PDE1A: variants seen among roughly 807,000 people sequenced by gnomAD.
PDE1A encodes dual specificity calcium/calmodulin-dependent 3',5'-cyclic nucleotide phosphodiesterase 1A.
A neutral mutation model predicts 61.7 loss-of-function variants in PDE1A; 35 were observed. The ratio of observed to expected loss-of-function variants is 0.57; its 90% CI spans 0.43 to 0.75. The LOEUF is 0.75. Ranked by LOEUF, PDE1A falls within the 30% of genes least tolerant of loss-of-function variation. The probability of loss-of-function intolerance (pLI) is 0.00; values close to 1 mark genes in which losing one functional copy is unlikely to be tolerated. For missense variants in PDE1A, 597 were observed against 630.6 expected, an observed-to-expected ratio of 0.95 and a Z score of 0.57; for synonymous variants, 232 against 213.2, an observed-to-expected ratio of 1.09 and a Z score of -0.77.
the PDE1A span, among the ~76,000 whole-genome samples, chr2:182,592,367 G>T: frequency 1.6e-4 from 24 of 152,298 alleles, no homozygotes; most frequent in African/African-American, 5.8e-4. Context: ...TCAGTTCAAA[G>T]AATGAATTAT....
At chr2:182,691,060 C>T in the PDE1A span, among the ~76,000 whole-genome samples, 67,325 of 152,018 alleles carry the variant, frequency 0.44, 17,293 homozygotes, top group Non-Finnish European at 0.56. Flanking sequence ...ACATTCCATG[C>T]TCATGGGTAG....
chr2:182,382,739 T>C (rs1454357659), intron 1 of PDE1A, among the ~76,000 whole-genome samples: 1 of 152,180 alleles, frequency 6.6e-6, no homozygotes, highest in Non-Finnish European at 1.5e-5. Flanking sequence ...ATATTTTCTT[T>C]TGGAGCAAAA....
At chr2:182,549,831 A>C in the PDE1A span, among the ~76,000 whole-genome samples, 2 of 152,120 alleles carry the variant, frequency 1.3e-5, no homozygotes, top group Admixed American at 1.3e-4. Flanking sequence ...AGTTTTTACT[A>C]TCTGTATTGT....
At chr2:182,568,017 T>C in the PDE1A span, among the ~76,000 whole-genome samples, 8 of 152,048 alleles carry the variant, frequency 5.3e-5, no homozygotes, top group Non-Finnish European at 1.2e-4. Context: ...GGTCTTGAAC[T>C]CTTGACCTCT....
chr2:182,229,212 AT>A (rs1395354157), intron 6 of PDE1A, among the ~76,000 whole-genome samples: 1 of 151,740 alleles, frequency 6.6e-6, no homozygotes, highest in Non-Finnish European at 1.5e-5. Flanking sequence ...TCAAGCAGGA[AT>A]TTTTTTTTAA....
At chr2:182,156,960 T>C (rs1258169008) in intron 13 of PDE1A, among the ~76,000 whole-genome samples, 1 of 151,290 alleles carries the variant, frequency 6.6e-6, no homozygotes, top group African/African-American at 2.4e-5. Context: ...GTTATCATTT[T>C]TGTTTCGTTG....
intron 8 of PDE1A, among the ~76,000 whole-genome samples, chr2:182,205,612 T>C (rs189709631): frequency 4.8e-4 from 73 of 152,342 alleles, no homozygotes; most frequent in African/African-American, 1.7e-3. Context: ...TTTGAATTTA[T>C]GTAACACCCC....
chr2:182,634,548 T>C, the PDE1A span, among the ~76,000 whole-genome samples: 2 of 152,318 alleles, frequency 1.3e-5, no homozygotes, highest in South Asian at 2.1e-4. Context: ...ACCATCATTT[T>C]TGGAGCATGA....
Position 182,201,417 on chromosome 2 carries a change from GCA to G in PDE1A, c.1125+20_1125+21del, listed in dbSNP as rs778244225. 16 of 1,612,584 alleles carry G rather than the reference GCA, an allele frequency of 9.9e-6. No homozygotes were observed. In the African/African-American group the frequency reaches 1.3e-4, roughly 13 times the overall value. Reference sequence around the variant, plus strand: ...ACAGTCACTATTTCCAAAAACATTTGCACAGAGTGTGAAAGAGGCACCTGCAG... The same window carrying G: ...ACAGTCACTATTTCCAAAAACATTTGCAGAGTGTGAAAGAGGCACCTGCAG... On this transcript the variant is annotated intron_variant, in intron 10 of 13. Transcript: ENST00000351439.
the PDE1A span, among the ~76,000 whole-genome samples, chr2:182,560,592 C>T: frequency 6.6e-6 from 1 of 151,996 alleles, no homozygotes; most frequent in African/African-American, 2.4e-5. Context: ...AATGGGATGG[C>T]TGGGTCAAAT....
chr2:182,458,029 T>A (rs982549900), intron 2 of PDE1A, among the ~76,000 whole-genome samples: 8 of 152,026 alleles, frequency 5.3e-5, no homozygotes, highest in Non-Finnish European at 1.2e-4. Context: ...CTATAAAGCA[T>A]CAATATTAGC....
chr2:182,483,573 T>A (rs1687831029), intron 2 of PDE1A, among the ~76,000 whole-genome samples: 1 of 152,048 alleles, frequency 6.6e-6, no homozygotes, highest in African/African-American at 2.4e-5. Context: ...AATGGAGTTA[T>A]AATGGAAATT....
At chr2:182,386,960 G>A (rs1003505312) in intron 1 of PDE1A, among the ~76,000 whole-genome samples, 10 of 152,248 alleles carry the variant, frequency 6.6e-5, no homozygotes, top group Admixed American at 1.3e-4. Context: ...TGACGACGGC[G>A]GTTTTGTGAA....
chr2:182,325,827 G>A (rs11690853), intron 1 of PDE1A, among the ~76,000 whole-genome samples: 55,590 of 152,032 alleles, frequency 0.37, 12,267 homozygotes, highest in Non-Finnish European at 0.48. Flanking sequence ...GCTGAAGCAG[G>A]AGAATTGCTT....
chr2:182,631,716 T>C, the PDE1A span, among the ~76,000 whole-genome samples: 1 of 152,258 alleles, frequency 6.6e-6, no homozygotes, highest in Non-Finnish European at 1.5e-5. Flanking sequence ...ATTAACTGTA[T>C]ATTAGACAAA....
the PDE1A span, among the ~76,000 whole-genome samples, chr2:182,663,278 C>G: frequency 6.6e-6 from 1 of 151,946 alleles, no homozygotes; most frequent in Non-Finnish European, 1.5e-5. Flanking sequence ...TGTGGCAATT[C>G]CTCAAAGACA....
chr2:182,321,722 A>G (rs1696706225), intron 1 of PDE1A, among the ~76,000 whole-genome samples: 1 of 152,132 alleles, frequency 6.6e-6, no homozygotes, highest in Non-Finnish European at 1.5e-5. Context: ...TGCATCTAGA[A>G]GGATTCTTTG....
chr2:182,661,374 C>G, the PDE1A span, among the ~76,000 whole-genome samples: 3 of 152,096 alleles, frequency 2.0e-5, no homozygotes, highest in Non-Finnish European at 4.4e-5. Flanking sequence ...GAATTTAAAT[C>G]AATAATTATT....
intron 1 of PDE1A, among the ~76,000 whole-genome samples, chr2:182,316,707 T>C (rs1696360146): frequency 6.6e-6 from 1 of 152,226 alleles, no homozygotes; most frequent in Non-Finnish European, 1.5e-5. Flanking sequence ...AAATATTGTA[T>C]ATTGTACTTT....
Sources: allele counts gnomAD v4.1 joint callset (sites outside exome capture counted in the v4.1 genomes callset), GRCh38; gene constraint gnomAD v4.1.1; transcripts MANE v1.5; gene names NCBI Gene and HGNC (gene_info 2026-07-23, HGNC 2026-07-21).